The following INTS6 variants were observed in gnomAD, a reference collection of about 807,000 sequenced individuals.
INTS6 encodes the protein integrator complex subunit 6.
A neutral mutation model predicts 104.9 loss-of-function variants in INTS6; 16 were observed. The ratio of observed to expected loss-of-function variants is 0.15; its 90% CI spans 0.10 to 0.23. The LOEUF is 0.23. Among genes scored for constraint, INTS6 ranks in the 10% least tolerant of loss-of-function variants. The pLI, the probability that INTS6 is intolerant of heterozygous loss-of-function variation, is 1.00. For missense variants in INTS6, 584 were observed against 1,062.8 expected, an observed-to-expected ratio of 0.55 and a Z score of 6.26; for synonymous variants, 324 against 358.7, an observed-to-expected ratio of 0.90 and a Z score of 1.09.
At position 51,362,169 on chromosome 13, in the gene INTS6, C is replaced by A; in HGVS notation, c.*3583G>T. The stretch of plus-strand genomic sequence containing the variant: ...TTTTTAATGCTATAGGTTTCTACTT[C>A]TGAAGACACTTGGAAAAATCATGAA... On this transcript the variant is annotated 3_prime_UTR_variant, in exon 18 of 18. Coordinates refer to ENST00000311234, the MANE Select transcript of INTS6 (RefSeq NM_012141.3). 2.5e-6 allele frequency: 2 copies of A among 810,654 alleles called. No homozygotes were observed. Among genetic ancestry groups the A allele is most frequent in the Non-Finnish European group, 3.5e-6 (2 of 568,564 alleles). The allele number at this position is 810,654 out of a possible 1,614,324, so 50.2% of individuals were successfully genotyped here.
At chr13:51,427,575 G>A (rs993573052) in intron 4 of INTS6, among the ~76,000 whole-genome samples, 2 of 152,000 alleles carry the variant, frequency 1.3e-5, no homozygotes, top group African/African-American at 2.4e-5. Flanking sequence ...CGAGAGTCTC[G>A]TTGGTACATT....
At position 51,452,953 on chromosome 13, in the gene INTS6, C is replaced by T. The variant is rs2138191192; in HGVS notation, c.-428G>A. 2 of 1,034,996 alleles carry T rather than the reference C, an allele frequency of 1.9e-6. No homozygotes were observed. The highest frequency in any genetic ancestry group is 1.7e-5 in the African/African-American group (1 of 57,646). 64.1% of individuals were successfully genotyped at this position (1,034,996 alleles called of 1,614,324 possible). Reference sequence around the variant, plus strand: ...GGAGTGGGCTGAGGGAAGATTGGCCCTGGGGCTGTTGGGAGAAGTTTCAGG... The same window carrying T: ...GGAGTGGGCTGAGGGAAGATTGGCCTTGGGGCTGTTGGGAGAAGTTTCAGG... On this transcript the variant is annotated 5_prime_UTR_variant, in exon 1 of 18. Transcript: ENST00000311234. The surrounding 1 kb of genome is among the most constrained non-coding windows in gnomAD (Gnocchi z 4.2).
chr13:51,395,252 G>C (rs929495317), intron 5 of INTS6, 48 bp downstream of exon 5: 4 of 1,520,008 alleles, frequency 2.6e-6, no homozygotes, highest in Non-Finnish European at 2.7e-6. Flanking sequence ...AAAACATTCA[G>C]ATAAAATCTG....
At chr13:51,421,941 T>C (rs575420969) in intron 4 of INTS6, among the ~76,000 whole-genome samples, 28 of 152,296 alleles carry the variant, frequency 1.8e-4, no homozygotes, top group African/African-American at 6.7e-4. Flanking sequence ...GTTCATATCA[T>C]ATGTCCTTAA....
chr13:51,366,748 A>G (rs1300543376), intron 17 of INTS6, among the ~76,000 whole-genome samples: 1 of 151,978 alleles, frequency 6.6e-6, no homozygotes, highest in East Asian at 1.9e-4. Flanking sequence ...TAGCCACTCC[A>G]AAAGTACAAA....
chr13:51,399,707 GGTGT>G lies in INTS6; in HGVS notation c.430-4228_430-4225del, dbSNP rs149002451. 3.3e-4 allele frequency among the ~76,000 whole-genome samples: 49 copies of G among 148,196 alleles called. 1 individual carries two copies. Among genetic ancestry groups the G allele is most frequent in the Admixed American group, 6.7e-5 (1 of 14,906 alleles). ...TGTCTTTTTCATGTTAGCCATTGTG[GGTGT>G]GTGTGTGTGTGCGTGTGTGTGCGTG... is the stretch of plus-strand genomic sequence containing the variant. On this transcript the variant is annotated intron_variant, in intron 4 of 17. Coordinates refer to ENST00000311234, the MANE Select transcript of INTS6 (RefSeq NM_012141.3).
chr13:51,390,056 T>C (rs1956216546), intron 5 of INTS6, among the ~76,000 whole-genome samples: 1 of 152,074 alleles, frequency 6.6e-6, no homozygotes, highest in Admixed American at 6.5e-5. Context: ...GAATTCCCCT[T>C]TTGTACGTTT....
At chr13:51,374,589 T>A in intron 14 of INTS6, 65 bp downstream of exon 14, 1 of 1,577,194 alleles carries the variant, frequency 6.3e-7, no homozygotes, top group Non-Finnish European at 8.7e-7. Context: ...TCAGTTAAAT[T>A]AAGAACTATA....
rs1415453409 is a variant in INTS6, at chr13:51,364,288, T to C, written c.*1464A>G. The C allele has an allele frequency of 1.4e-6, 2 of 1,443,628 alleles. No individual in the cohort carries two copies. Among genetic ancestry groups the C allele is most frequent in the Non-Finnish European group, 1.9e-6 (2 of 1,071,772 alleles). 89.4% of individuals were successfully genotyped at this position (1,443,628 alleles called of 1,614,324 possible). On this transcript the variant is annotated 3_prime_UTR_variant, in exon 18 of 18. Transcript: ENST00000311234. ...TTTCAAATCCCCTAGACTAAATGCA[T>C]GTTCTCCACTTTCATCAATGCTTTT... is the stretch of plus-strand genomic sequence containing the variant.
At chr13:51,437,502 T>C (rs1338389028) in intron 3 of INTS6, 1 of 151,732 alleles carries the variant, frequency 6.6e-6, no homozygotes, top group Non-Finnish European at 1.5e-5. Flanking sequence ...CAAAAGAAGA[T>C]GGCATTCTAT....
chr13:51,396,953 T>G (rs9568584), intron 4 of INTS6, among the ~76,000 whole-genome samples: 2 of 152,194 alleles, frequency 1.3e-5, no homozygotes, highest in South Asian at 2.1e-4. Flanking sequence ...AAGTATATGG[T>G]GCTTAGGAAA....
intron 3 of INTS6, chr13:51,450,238 ATCTT>A: frequency 1.0e-6 from 1 of 984,628 alleles, no homozygotes; most frequent in Non-Finnish European, 1.2e-6. Context: ...ATTGTTCAGT[ATCTT>A]TTATTTCCAG....
chr13:51,405,538 T>A (rs1446501134), intron 4 of INTS6, among the ~76,000 whole-genome samples: 1 of 152,186 alleles, frequency 6.6e-6, no homozygotes, highest in Non-Finnish European at 1.5e-5. Context: ...AAACAACTCT[T>A]ACACTAAGTC....
chr13:51,348,359 C>T, the INTS6 span: 1 of 1,613,946 alleles, frequency 6.2e-7, no homozygotes, highest in South Asian at 1.1e-5. Flanking sequence ...CAGCACCATC[C>T]ACCTCTGGAC....
chr13:51,359,127 T>C (rs141198468), downstream of INTS6, among the ~76,000 whole-genome samples: 74 of 152,122 alleles, frequency 4.9e-4, no homozygotes, highest in East Asian at 0.012. Flanking sequence ...TTTGGGAAAA[T>C]AGGGCGTATG....
intron 3 of INTS6, chr13:51,441,384 G>A (rs190940499): frequency 3.3e-5 from 5 of 152,296 alleles, no homozygotes; most frequent in Admixed American, 2.6e-4. Context: ...AGTTCTGCAA[G>A]ATAGGTCTTT....
At chr13:51,347,266 G>T in the INTS6 span, 1 of 1,595,936 alleles carries the variant, frequency 6.3e-7, no homozygotes, top group Non-Finnish European at 8.6e-7. Flanking sequence ...TTGTCTAAAG[G>T]GAGAGGAAGC....
At chr13:51,349,223 C>G (rs1436452191), downstream of INTS6, among the ~76,000 whole-genome samples, 1 of 152,080 alleles carries the variant, frequency 6.6e-6, no homozygotes, top group Admixed American at 6.6e-5. Context: ...TTCCAGTAGG[C>G]AAAGGCAAAG....
intron 3 of INTS6, chr13:51,445,065 G>C (rs1169245287): frequency 3.3e-5 from 5 of 151,974 alleles, no homozygotes; most frequent in Non-Finnish European, 5.9e-5. Context: ...GCTCCTAAAA[G>C]GTTCCCTGCA....
Sources: gnomAD v4.1 joint callset for allele counts (sites outside exome capture counted in the v4.1 genomes callset) on GRCh38, gnomAD v4.1.1 for gene constraint, Gnocchi (gnomAD v3.1) non-coding constraint, MANE v1.5 for transcripts, NCBI Gene and HGNC (gene_info 2026-07-23, HGNC 2026-07-21) for gene names.